NELL1: variants seen among roughly 807,000 people sequenced by gnomAD.
NELL1 encodes the protein protein kinase C-binding protein NELL1.
Under a neutral mutation model 107.4 loss-of-function variants are expected in NELL1, and 76 were observed. The observed-to-expected ratio is 0.71, with a 90% CI of 0.59 to 0.86. The LOEUF (loss-of-function observed/expected upper bound fraction) is 0.86, where lower values mean the gene tolerates loss of function less well. NELL1 is among the 40% of genes least tolerant of loss of function. The pLI is 0.00. For missense variants in NELL1, 1,024 were observed against 1,005.5 expected (o/e 1.02, Z -0.25); for synonymous variants, 353 against 341.2 (o/e 1.03, Z -0.38).
At chr11:20,832,885 G>A (rs1858042888) in intron 3 of NELL1, among the ~76,000 whole-genome samples, 1 of 152,160 alleles carries the variant, frequency 6.6e-6, no homozygotes, top group African/African-American at 2.4e-5. Flanking sequence ...CTCCAGTACT[G>A]TGGAGCCGTC....
chr11:20,818,679 G>A (rs2134021878), intron 3 of NELL1, among the ~76,000 whole-genome samples: 1 of 152,196 alleles, frequency 6.6e-6, no homozygotes, highest in Non-Finnish European at 1.5e-5. Flanking sequence ...TGTAATTCTA[G>A]CCTGACTTAG....
chr11:20,734,976 C>G (rs149539525), intron 2 of NELL1, among the ~76,000 whole-genome samples: 342 of 152,172 alleles, frequency 2.2e-3, no homozygotes, highest in Non-Finnish European at 4.0e-3. Context: ...TTCCTCCAAC[C>G]AATTCTGGTG....
At chr11:20,835,287 A>C (rs1488344325) in intron 3 of NELL1, among the ~76,000 whole-genome samples, 4 of 152,162 alleles carry the variant, frequency 2.6e-5, no homozygotes, top group Non-Finnish European at 5.9e-5. Flanking sequence ...TGACATGTAA[A>C]TTCTTTGACA....
intron 2 of NELL1, among the ~76,000 whole-genome samples, chr11:20,752,684 G>A (rs2133946960): frequency 6.6e-6 from 1 of 152,006 alleles, no homozygotes; most frequent in African/African-American, 2.4e-5. Context: ...AACAGTAGGA[G>A]CTGTAAGAGG....
intron 2 of NELL1, among the ~76,000 whole-genome samples, chr11:20,706,164 G>C (rs1312566205): frequency 6.6e-6 from 1 of 152,060 alleles, no homozygotes; most frequent in Non-Finnish European, 1.5e-5. Context: ...TCCCATTACT[G>C]GGTTATATAC....
intron 14 of NELL1, among the ~76,000 whole-genome samples, chr11:21,304,717 G>T (rs1849570434): frequency 6.6e-6 from 1 of 151,798 alleles, no homozygotes; most frequent in Non-Finnish European, 1.5e-5. Context: ...TTTTTAAAGA[G>T]TATATATCAC....
intron 15 of NELL1, among the ~76,000 whole-genome samples, chr11:21,520,341 A>T (rs115311918): frequency 0.019 from 2,906 of 152,228 alleles, 58 homozygotes; most frequent in East Asian, 0.07. Context: ...CCAGACATGA[A>T]CCCAGTAACT....
At chr11:21,471,333 G>C (rs925484463) in intron 15 of NELL1, among the ~76,000 whole-genome samples, 2 of 151,958 alleles carry the variant, frequency 1.3e-5, no homozygotes. Context: ...AAAATTATTA[G>C]GCTTGCCACA....
chr11:21,191,589 C>T (rs11822678), intron 13 of NELL1, among the ~76,000 whole-genome samples: 9,432 of 151,772 alleles, frequency 0.062, 362 homozygotes, highest in East Asian at 0.14. Context: ...ACTAAAATAG[C>T]GATATTTATG....
chr11:21,326,783 A>G (rs924575423), intron 14 of NELL1, among the ~76,000 whole-genome samples: 1 of 151,860 alleles, frequency 6.6e-6, no homozygotes, highest in African/African-American at 2.4e-5. Flanking sequence ...GACTTAAAAC[A>G]TGTCATTCTT....
Position 21,491,515 on chromosome 11 carries a change from C to T in NELL1, c.1646-42859C>T, listed in dbSNP as rs546275240. ...CAAAGATCAGATAGTTGTAGATAAG[C>T]GGCGCTATTTCTGAGGGCTCTGTTC... On this transcript the variant is annotated intron_variant, in intron 15 of 19. Coordinates refer to ENST00000357134, the MANE Select transcript of NELL1 (RefSeq NM_006157.5). Among the ~76,000 whole-genome samples, 467 of 152,034 alleles carry T rather than the reference C, an allele frequency of 3.1e-3. 2 individuals carry two copies. The highest frequency in any genetic ancestry group is 9.9e-3 in the African/African-American group (412 of 41,496).
intron 2 of NELL1, among the ~76,000 whole-genome samples, chr11:20,758,668 C>G (rs949848125): frequency 5.3e-5 from 8 of 152,238 alleles, no homozygotes; most frequent in South Asian, 2.1e-4. Context: ...AGTGTTGGTA[C>G]TTGACATTTG....
chr11:20,991,313 T>C (rs1851966274), intron 12 of NELL1, among the ~76,000 whole-genome samples: 2 of 152,212 alleles, frequency 1.3e-5, no homozygotes, highest in Non-Finnish European at 2.9e-5. Context: ...AGTCCACTGT[T>C]TTACTGCCAC....
At chr11:21,524,152 T>C (rs1855793931) in intron 15 of NELL1, among the ~76,000 whole-genome samples, 1 of 152,092 alleles carries the variant, frequency 6.6e-6, no homozygotes, top group Non-Finnish European at 1.5e-5. Flanking sequence ...TATTTGGGAG[T>C]TAAGTAGACC....
At chr11:20,694,821 C>A (rs1617042) in intron 2 of NELL1, among the ~76,000 whole-genome samples, 27,406 of 151,194 alleles carry the variant, frequency 0.18, 2,865 homozygotes, top group African/African-American at 0.27. Context: ...TTTTTTAATT[C>A]TATGAAAAAT....
intron 3 of NELL1, among the ~76,000 whole-genome samples, chr11:20,811,083 A>G (rs189723653): frequency 1.3e-5 from 2 of 152,266 alleles, no homozygotes; most frequent in East Asian, 1.9e-4. Context: ...GACCACTGTC[A>G]TGGAGATTTC....
intron 15 of NELL1, among the ~76,000 whole-genome samples, chr11:21,456,067 A>G (rs1853722831): frequency 6.6e-6 from 1 of 151,190 alleles, no homozygotes. Context: ...AATTATTTGT[A>G]TTTTTTATAC....
chr11:21,368,754 G>T (rs891181425), intron 14 of NELL1, among the ~76,000 whole-genome samples: 1 of 152,050 alleles, frequency 6.6e-6, no homozygotes, highest in African/African-American at 2.4e-5. Context: ...CTAGTATCAG[G>T]TTTATATTGT....
At chr11:20,749,226 C>G (rs1174728431) in intron 2 of NELL1, among the ~76,000 whole-genome samples, 1 of 152,076 alleles carries the variant, frequency 6.6e-6, no homozygotes, top group Non-Finnish European at 1.5e-5. Context: ...ACAGCTGGGA[C>G]TATGGCGGGC....
Sources: allele counts gnomAD v4.1 joint callset (sites outside exome capture counted in the v4.1 genomes callset), GRCh38; gene constraint gnomAD v4.1.1; transcripts MANE v1.5; gene names NCBI Gene and HGNC (gene_info 2026-07-23, HGNC 2026-07-21).